Variants in PDS5A observed in about 807,000 individuals in gnomAD.
PDS5A encodes the protein sister chromatid cohesion protein PDS5 homolog A.
Under a neutral mutation model 167.1 loss-of-function variants are expected in PDS5A, and 42 were observed. The ratio of observed to expected loss-of-function variants is 0.25; its 90% CI spans 0.20 to 0.33. The LOEUF is 0.33. Ranked by LOEUF, PDS5A falls within the 10% of genes least tolerant of loss-of-function variation. The pLI is 1.00. For missense variants in PDS5A, 1,033 were observed against 1,605.9 expected, an observed-to-expected ratio of 0.64 and a Z score of 6.10; for synonymous variants, 553 against 554.6, an observed-to-expected ratio of 1.00 and a Z score of 0.04.
At chr4:39,836,554 C>T (rs1038644286) in intron 32 of PDS5A, among the ~76,000 whole-genome samples, 1 of 151,494 alleles carries the variant, frequency 6.6e-6, no homozygotes, top group Non-Finnish European at 1.5e-5. Context: ...TCTGTCTCAG[C>T]CTCCTGAGTA....
chr4:39,975,583 C>A (rs1339246533), intron 2 of PDS5A, among the ~76,000 whole-genome samples: 1 of 152,206 alleles, frequency 6.6e-6, no homozygotes, highest in Non-Finnish European at 1.5e-5. Flanking sequence ...ATTTCAACGT[C>A]TTTCACCTAG....
intron 26 of PDS5A, among the ~76,000 whole-genome samples, chr4:39,850,509 A>G (rs536298957): frequency 2.0e-5 from 3 of 152,280 alleles, no homozygotes; most frequent in African/African-American, 7.2e-5. Context: ...AGGTAAGTTT[A>G]CATAATCTGA....
At chr4:39,927,868 C>T in intron 3 of PDS5A, 93 bp downstream of exon 3, 2 of 847,884 alleles carry the variant, frequency 2.4e-6, no homozygotes, top group South Asian at 1.8e-5. Context: ...AATATGAAAC[C>T]TATGTTCATA....
intron 8 of PDS5A, among the ~76,000 whole-genome samples, chr4:39,916,596 G>A (rs1724407826): frequency 6.6e-6 from 1 of 152,036 alleles, no homozygotes; most frequent in African/African-American, 2.4e-5. Context: ...GGCCAGGCGT[G>A]GTGGCTCACG....
intron 2 of PDS5A, among the ~76,000 whole-genome samples, chr4:39,974,786 C>T (rs184930030): frequency 4.4e-3 from 666 of 152,226 alleles, no homozygotes; most frequent in Non-Finnish European, 7.3e-3. Context: ...GGATTACAGG[C>T]TGGAGCCACC....
Position 39,904,235 on chromosome 4 carries a change from CTG to C in PDS5A, c.1234-46_1234-45del, listed in dbSNP as rs750856014. 1.8e-5 allele frequency: 25 copies of C among 1,413,242 alleles called. No individual in the cohort carries two copies. The Admixed American group carries it at 5.2e-4, about 29-fold the overall frequency. 87.5% of individuals were successfully genotyped at this position (1,413,242 alleles called of 1,614,324 possible). The stretch of plus-strand genomic sequence containing the variant: ...ATTAGATGAGCAAGATAACAAAACT[CTG>C]TACTAATCTCCAAAGACTGCCTTGG... On this transcript the variant is annotated intron_variant, in intron 11 of 32. Transcript: ENST00000303538.
chr4:39,956,682 T>C, intron 2 of PDS5A, among the ~76,000 whole-genome samples: 2 of 151,910 alleles, frequency 1.3e-5, no homozygotes, highest in East Asian at 1.9e-4. Context: ...TCTTACTTTT[T>C]TTTTTTTGGA....
chr4:39,911,562 G>A (rs1723886347), intron 9 of PDS5A, among the ~76,000 whole-genome samples: 1 of 151,936 alleles, frequency 6.6e-6, no homozygotes, highest in Admixed American at 6.6e-5. Context: ...GCCGGGCGCG[G>A]TGGCTCACAC....
intron 17 of PDS5A, among the ~76,000 whole-genome samples, chr4:39,889,640 A>T (rs988351064): frequency 6.6e-6 from 1 of 152,252 alleles, no homozygotes; most frequent in African/African-American, 2.4e-5. Flanking sequence ...AATACGTAAT[A>T]AAAAATCAAT....
At position 39,917,191 on chromosome 4, in the gene PDS5A, G is replaced by A. The variant is rs987610390; in HGVS notation, c.736-3C>T. On this transcript the variant is annotated splice_region_variant and splice_polypyrimidine_tract_variant and intron_variant, in intron 7 of 32. Transcript: ENST00000303538. Reference sequence around the variant, plus strand: ...AGCACCAGGACTTGATTGAAAAACTGTAAGAGATATTAAAAACAAAAAGAA... The same window carrying A: ...AGCACCAGGACTTGATTGAAAAACTATAAGAGATATTAAAAACAAAAAGAA... 2 of 1,529,312 alleles carry A rather than the reference G, an allele frequency of 1.3e-6. No homozygotes were observed. Among genetic ancestry groups the A allele is most frequent in the South Asian group, 1.3e-5 (1 of 76,874 alleles). The allele number at this position is 1,529,312 out of a possible 1,614,324, so 94.7% of individuals were successfully genotyped here.
chr4:39,962,081 G>A (rs1164706031), intron 2 of PDS5A, among the ~76,000 whole-genome samples: 5 of 150,022 alleles, frequency 3.3e-5, no homozygotes, highest in African/African-American at 7.3e-5. Context: ...TTTTTGAGAC[G>A]TAGTCTCGCT....
chr4:39,823,587 ACT>A lies in PDS5A; in HGVS notation c.*1896_*1897del, dbSNP rs945426899. ...TTGTCTGATGCTAAGAGAACTTTAA[ACT>A]CTCTCTAAATAGAACACACCTACTG... On this transcript the variant is annotated 3_prime_UTR_variant, in exon 33 of 33. Transcript: ENST00000303538. 6.6e-6 allele frequency: 1 copy of A among 152,468 alleles called. No homozygotes were observed. Among genetic ancestry groups the A allele is most frequent in the Non-Finnish European group, 1.5e-5 (1 of 68,012 alleles). The allele number at this position is 152,468 out of a possible 1,614,324, so 9.4% of individuals were successfully genotyped here.
intron 26 of PDS5A, among the ~76,000 whole-genome samples, chr4:39,859,839 G>A (rs1276731198): frequency 6.6e-6 from 1 of 152,234 alleles, no homozygotes; most frequent in Non-Finnish European, 1.5e-5. Context: ...GGGATGAACT[G>A]GGGACAAAGA....
chr4:39,976,093 G>C (rs183548638), intron 2 of PDS5A: 51 of 163,698 alleles, frequency 3.1e-4, no homozygotes, highest in Non-Finnish European at 1.4e-4. Context: ...CCCTTCAGAA[G>C]CTGAAAATAG....
chr4:39,953,887 T>C (rs1328317814), intron 2 of PDS5A, among the ~76,000 whole-genome samples: 1 of 152,192 alleles, frequency 6.6e-6, no homozygotes, highest in Non-Finnish European at 1.5e-5. Context: ...ACACTCTCAA[T>C]AGCCAAAGCA....
At chr4:39,932,291 T>C (rs772151622) in intron 2 of PDS5A, among the ~76,000 whole-genome samples, 3 of 152,210 alleles carry the variant, frequency 2.0e-5, no homozygotes, top group African/African-American at 7.2e-5. Context: ...CCTATGGGAA[T>C]GTACCCACCA....
chr4:39,954,721 C>T (rs1259701725), intron 2 of PDS5A, among the ~76,000 whole-genome samples: 1 of 143,988 alleles, frequency 6.9e-6, no homozygotes, highest in Non-Finnish European at 1.5e-5. Context: ...GGACCAAACG[C>T]TAAAGCTATC....
chr4:39,914,150 A>T (rs1177322310), intron 8 of PDS5A, among the ~76,000 whole-genome samples: 1 of 149,034 alleles, frequency 6.7e-6, no homozygotes, highest in East Asian at 2.0e-4. Context: ...TAAAGTTTTG[A>T]TATACAAATT....
At chr4:39,943,651 A>T (rs1209232392) in intron 2 of PDS5A, among the ~76,000 whole-genome samples, 2 of 151,178 alleles carry the variant, frequency 1.3e-5, no homozygotes, top group African/African-American at 2.4e-5. Flanking sequence ...TACAAAAAAT[A>T]CAAAAATTAG....
Sources: allele counts gnomAD v4.1 joint callset (sites outside exome capture counted in the v4.1 genomes callset), GRCh38; gene constraint gnomAD v4.1.1; transcripts MANE v1.5; gene names NCBI Gene and HGNC (gene_info 2026-07-23, HGNC 2026-07-21).